The following DMD variants were observed in gnomAD, a reference collection of about 807,000 sequenced individuals.
The protein encoded by DMD is mutant dystrophin.
A neutral mutation model predicts 330.1 loss-of-function variants in DMD; 63 were observed. The ratio of observed to expected loss-of-function variants is 0.19; its 90% CI spans 0.16 to 0.24. The LOEUF is 0.24. Among genes scored for constraint, DMD ranks in the 10% least tolerant of loss-of-function variants. DMD has a pLI of 1.00. For synonymous variants in DMD, 1,223 were observed against 959.8 expected (o/e 1.27, Z -5.07); for missense variants, 3,344 against 2,684.1 (o/e 1.25, Z -5.43).
intron 44 of DMD, among the ~76,000 whole-genome samples, chrX:32,078,790 C>T (rs113317515): frequency 8.9e-6 from 1 of 111,916 alleles, no homozygotes; most frequent in African/African-American, 3.2e-5. Context: ...AAGAAGCCTT[C>T]CCAGTGCTTC....
intron 44 of DMD, among the ~76,000 whole-genome samples, chrX:32,055,579 T>C (rs75836992): frequency 0.071 from 7,929 of 111,141 alleles, 371 homozygotes; most frequent in East Asian, 0.32. Flanking sequence ...CTAATTACCC[T>C]GATCTGATCA....
chrX:33,031,359 T>C (rs2094109979), intron 1 of DMD, among the ~76,000 whole-genome samples: 1 of 110,636 alleles, frequency 9.0e-6, no homozygotes, highest in Middle Eastern at 4.7e-3. Context: ...GGCTCCTCAA[T>C]TGTTGCATGG....
chrX:31,740,976 C>T (rs1367611201), intron 51 of DMD, among the ~76,000 whole-genome samples: 1 of 112,020 alleles, frequency 8.9e-6, no homozygotes, highest in East Asian at 2.8e-4. Flanking sequence ...ATTCTAAATC[C>T]TTTGTTGTCA....
intron 47 of DMD, among the ~76,000 whole-genome samples, chrX:31,876,358 C>T (rs2093967096): frequency 8.9e-6 from 1 of 112,120 alleles, no homozygotes; most frequent in Non-Finnish European, 1.9e-5. Context: ...TCTTGCCTAA[C>T]ATTTTAGCCA....
At chrX:31,881,522 C>T (rs187375859) in intron 47 of DMD, among the ~76,000 whole-genome samples, 2 of 112,221 alleles carry the variant, frequency 1.8e-5, no homozygotes, top group Middle Eastern at 4.2e-3. Context: ...ACCACTACCA[C>T]TCACTCACCG....
At chrX:31,447,354 C>T (rs1216936423) in intron 59 of DMD, among the ~76,000 whole-genome samples, 1 of 96,806 alleles carries the variant, frequency 1.0e-5, no homozygotes, top group Non-Finnish European at 2.0e-5. Flanking sequence ...CCAAATTAGC[C>T]AAAGTCTTCA....
chrX:31,901,568 C>G (rs780490627), intron 47 of DMD, among the ~76,000 whole-genome samples: 80 of 111,517 alleles, frequency 7.2e-4, no homozygotes, highest in Non-Finnish European at 1.2e-3. Context: ...AGCTATACTA[C>G]GAGGCAAAGG....
chrX:32,135,621 G>T (rs749958919), intron 44 of DMD, among the ~76,000 whole-genome samples: 124 of 111,892 alleles, frequency 1.1e-3, no homozygotes, highest in African/African-American at 3.9e-3. Context: ...TACCCGGGAG[G>T]CTGAGGTGGG....
At chrX:33,046,466 C>CA (rs1196263736) in intron 1 of DMD, among the ~76,000 whole-genome samples, 1 of 111,520 alleles carries the variant, frequency 9.0e-6, no homozygotes, top group Non-Finnish European at 1.9e-5. Context: ...AATGTCTGCA[C>CA]AAAATACTAT....
chrX:32,880,133 A>G (rs1016272854), intron 2 of DMD, among the ~76,000 whole-genome samples: 2 of 110,534 alleles, frequency 1.8e-5, no homozygotes, highest in Non-Finnish European at 3.8e-5. Context: ...ATCCTTTTCA[A>G]TTTTTTGCCA....
intron 41 of DMD, among the ~76,000 whole-genome samples, chrX:32,327,103 C>A (rs2097654633): frequency 9.3e-6 from 1 of 107,927 alleles, no homozygotes; most frequent in African/African-American, 3.4e-5. Context: ...TATATAGGTT[C>A]TTTTTCACCT....
chrX:32,733,619 C>T (rs920593244), intron 7 of DMD, among the ~76,000 whole-genome samples: 4 of 111,449 alleles, frequency 3.6e-5, no homozygotes, highest in African/African-American at 9.9e-5. Flanking sequence ...TCACTCAAAA[C>T]CGCTCAACTA....
At chrX:32,571,970 A>G (rs2052471656) in intron 15 of DMD, among the ~76,000 whole-genome samples, 1 of 112,013 alleles carries the variant, frequency 8.9e-6, no homozygotes, top group South Asian at 3.7e-4. Flanking sequence ...CAAAAATGCA[A>G]ATATGATTCT....
intron 7 of DMD, among the ~76,000 whole-genome samples, chrX:32,737,028 T>C (rs1289465940): frequency 9.0e-6 from 1 of 111,196 alleles, no homozygotes; most frequent in Non-Finnish European, 1.9e-5. Flanking sequence ...TTCTTTAAAA[T>C]ATCATGCTCA....
At chrX:31,683,026 A>G (rs1279351490) in intron 52 of DMD, among the ~76,000 whole-genome samples, 1 of 112,351 alleles carries the variant, frequency 8.9e-6, no homozygotes, top group Non-Finnish European at 1.9e-5. Flanking sequence ...TCAATAATAG[A>G]AGGCTTTCAG....
chrX:32,775,276 T>G (rs2074023575), intron 7 of DMD, among the ~76,000 whole-genome samples: 2 of 112,318 alleles, frequency 1.8e-5, no homozygotes, highest in African/African-American at 6.5e-5. Context: ...TCTACCATTC[T>G]GGGGTCTAGA....
chrX:32,836,327 C>T (rs747797404), intron 4 of DMD, among the ~76,000 whole-genome samples: 2 of 110,604 alleles, frequency 1.8e-5, no homozygotes, highest in East Asian at 2.9e-4. Flanking sequence ...CCACCACGCT[C>T]GGCCTCAACT....
intron 55 of DMD, among the ~76,000 whole-genome samples, chrX:31,593,820 T>C (rs1293002724): frequency 1.8e-5 from 2 of 110,515 alleles, no homozygotes; most frequent in Admixed American, 9.7e-5. Context: ...ATATAATGAA[T>C]ATTATTGTAA....
chrX:31,585,933 TTTTG>T (rs1438097485), intron 55 of DMD, among the ~76,000 whole-genome samples: 1 of 111,143 alleles, frequency 9.0e-6, no homozygotes, highest in African/African-American at 3.3e-5. Flanking sequence ...GTTTGTTTGT[TTTTG>T]TTTGTTTGTT....
Sources: gnomAD v4.1 joint callset for allele counts (sites outside exome capture counted in the v4.1 genomes callset) on GRCh38, gnomAD v4.1.1 for gene constraint, MANE v1.5 for transcripts, NCBI Gene and HGNC (gene_info 2026-07-23, HGNC 2026-07-21) for gene names.